The following UMAD1 variants were observed in gnomAD, a reference collection of about 807,000 sequenced individuals.
UMAD1 encodes UBAP1-MVB12-associated (UMA) domain containing 1.
UMAD1 carries 8 observed loss-of-function variants against 6.1 expected under a neutral mutation model. That is an observed-to-expected ratio of 1.30 (90% CI 0.76 to 2.35). The LOEUF (loss-of-function observed/expected upper bound fraction) is 2.35, where lower values mean the gene tolerates loss of function less well. UMAD1 is among the 30% of genes most tolerant of loss of function. UMAD1 has a pLI of 0.00. For missense variants in UMAD1, 130 were observed against 78.4 expected, an observed-to-expected ratio of 1.66 and a Z score of -2.49; for synonymous variants, 56 against 31.4, an observed-to-expected ratio of 1.78 and a Z score of -2.61.
intron 1 of UMAD1, among the ~76,000 whole-genome samples, chr7:7,644,649 C>T (rs998473684): frequency 6.6e-6 from 1 of 152,154 alleles, no homozygotes; most frequent in Non-Finnish European, 1.5e-5. Flanking sequence ...GCCACCTTCA[C>T]TTGTCACCTT....
intron 2 of UMAD1, chr7:7,736,299 T>G (rs1008358478): frequency 6.6e-6 from 1 of 152,662 alleles, no homozygotes; most frequent in Non-Finnish European, 1.5e-5. Context: ...GCAGCTCTAT[T>G]TTGAAATTGC....
chr7:7,706,405 C>T (rs995350840), intron 2 of UMAD1, among the ~76,000 whole-genome samples: 20 of 152,000 alleles, frequency 1.3e-4, no homozygotes, highest in Non-Finnish European at 2.8e-4. Flanking sequence ...CAGGAAATAC[C>T]AACAGAGCAT....
intron 3 of UMAD1, among the ~76,000 whole-genome samples, chr7:7,849,567 C>A (rs960869030): frequency 4.6e-5 from 7 of 152,108 alleles, no homozygotes; most frequent in African/African-American, 1.7e-4. Context: ...CCCAACCCTG[C>A]GATGGTCATT....
chr7:7,810,744 C>T (rs981531692), intron 3 of UMAD1, among the ~76,000 whole-genome samples: 2 of 152,154 alleles, frequency 1.3e-5, no homozygotes, highest in Non-Finnish European at 2.9e-5. Context: ...AACGTATTCA[C>T]TCAAGGATAG....
At chr7:7,742,674 G>C (rs1037558719) in intron 2 of UMAD1, 5 of 256,942 alleles carry the variant, frequency 1.9e-5, no homozygotes, top group Non-Finnish European at 1.6e-5. Context: ...TGCCAACTAA[G>C]AATAAAATAA....
intron 1 of UMAD1, among the ~76,000 whole-genome samples, chr7:7,654,076 C>T (rs1022444948): frequency 6.6e-6 from 1 of 152,138 alleles, no homozygotes; most frequent in Non-Finnish European, 1.5e-5. Context: ...AAAAAGCAGT[C>T]ATTTCTTATC....
intron 3 of UMAD1, among the ~76,000 whole-genome samples, chr7:7,849,694 C>G (rs1190552674): frequency 1.3e-5 from 2 of 152,016 alleles, no homozygotes. Flanking sequence ...GAGATTCAGA[C>G]CAAAAACTAA....
At chr7:7,860,330 A>T (rs1784089665) in intron 3 of UMAD1, among the ~76,000 whole-genome samples, 1 of 152,130 alleles carries the variant, frequency 6.6e-6, no homozygotes. Flanking sequence ...AATAAGCAGG[A>T]ACCATGGTTT....
chr7:7,652,619 A>G (rs1785249199), intron 1 of UMAD1, among the ~76,000 whole-genome samples: 1 of 152,218 alleles, frequency 6.6e-6, no homozygotes, highest in Non-Finnish European at 1.5e-5. Context: ...AGAGGCAGGA[A>G]GTAGATTGGT....
chr7:7,655,717 G>A (rs1172581092), intron 1 of UMAD1, among the ~76,000 whole-genome samples: 1 of 152,170 alleles, frequency 6.6e-6, no homozygotes, highest in Non-Finnish European at 1.5e-5. Flanking sequence ...GGGGACGAAT[G>A]AAAAGATTAG....
chr7:7,852,173 CT>C (rs1370272345), intron 3 of UMAD1, among the ~76,000 whole-genome samples: 1 of 152,154 alleles, frequency 6.6e-6, no homozygotes, highest in Non-Finnish European at 1.5e-5. Flanking sequence ...CAAAAATCAG[CT>C]GACCGCAGAT....
At chr7:7,724,768 A>T (rs754083644) in intron 2 of UMAD1, among the ~76,000 whole-genome samples, 1 of 152,232 alleles carries the variant, frequency 6.6e-6, no homozygotes. Flanking sequence ...GATACCTGGT[A>T]TGCAGCCATT....
intron 2 of UMAD1, chr7:7,742,149 G>C (rs1271049509): frequency 3.1e-6 from 2 of 648,150 alleles, no homozygotes; most frequent in African/African-American, 3.6e-5. Context: ...TTGAATATAT[G>C]CCTTCTCTCC....
chr7:7,722,186 T>C (rs563697497), intron 2 of UMAD1, among the ~76,000 whole-genome samples: 1 of 148,988 alleles, frequency 6.7e-6, no homozygotes, highest in African/African-American at 2.5e-5. Flanking sequence ...TATATGTATA[T>C]CTATATATCT....
intron 3 of UMAD1, among the ~76,000 whole-genome samples, chr7:7,812,188 G>C (rs1010835417): frequency 6.6e-6 from 1 of 152,186 alleles, no homozygotes; most frequent in Non-Finnish European, 1.5e-5. Flanking sequence ...ACCCTAGCCA[G>C]TGAGTCCAAA....
chr7:7,800,308 A>G (rs898113288), intron 2 of UMAD1, among the ~76,000 whole-genome samples: 3 of 152,284 alleles, frequency 2.0e-5, no homozygotes, highest in African/African-American at 7.2e-5. Flanking sequence ...CAGAGAACAA[A>G]GTAATAGGGT....
chr7:7,671,165 A>G (rs1352943591), intron 1 of UMAD1, among the ~76,000 whole-genome samples: 1 of 152,200 alleles, frequency 6.6e-6, no homozygotes, highest in African/African-American at 2.4e-5. Context: ...CAACTCTCAA[A>G]AATTTTGTTG....
intron 2 of UMAD1, among the ~76,000 whole-genome samples, chr7:7,774,175 C>T (rs1006948176): frequency 1.3e-5 from 2 of 152,156 alleles, no homozygotes; most frequent in African/African-American, 2.4e-5. Flanking sequence ...TCTGACTTCT[C>T]GACAGACTTC....
intron 2 of UMAD1, among the ~76,000 whole-genome samples, chr7:7,743,165 G>A (rs1312896104): frequency 6.6e-6 from 1 of 152,132 alleles, no homozygotes; most frequent in African/African-American, 2.4e-5. Flanking sequence ...GTTTTGGTCT[G>A]GTGGTGCAGG....
Sources: allele counts gnomAD v4.1 joint callset (sites outside exome capture counted in the v4.1 genomes callset), GRCh38; gene constraint gnomAD v4.1.1; transcripts MANE v1.5; gene names NCBI Gene and HGNC (gene_info 2026-07-23, HGNC 2026-07-21).